Variants in ETV6 observed in about 807,000 individuals in gnomAD.
ETV6 encodes the protein transcription factor ETV6.
Under a neutral mutation model 51.1 loss-of-function variants are expected in ETV6, and 16 were observed. The ratio of observed to expected loss-of-function variants is 0.31; its 90% CI spans 0.21 to 0.48. The LOEUF is 0.48. Among genes scored for constraint, ETV6 ranks in the 20% least tolerant of loss-of-function variants. The pLI is 0.99. For missense variants in ETV6, 458 were observed against 594.8 expected, an observed-to-expected ratio of 0.77 and a Z score of 2.39; for synonymous variants, 240 against 224.1, an observed-to-expected ratio of 1.07 and a Z score of -0.64.
Position 11,692,245 on chromosome 12 carries a change from T to C in ETV6, c.33+42085T>C, listed in dbSNP as rs373818239. Among the ~76,000 whole-genome samples, 3 of 152,182 alleles carry C rather than the reference T, an allele frequency of 2.0e-5. No individual in the cohort carries two copies. In the East Asian group the frequency reaches 5.8e-4, roughly 29 times the overall value. On this transcript the variant is annotated intron_variant, in intron 1 of 7. Coordinates refer to ENST00000396373, the MANE Select transcript of ETV6 (RefSeq NM_001987.5). ...AAGAGAGACCTGAGCTAGCATGCTC[T>C]GCCCCTTACCTTGTGTTACCCTGCA...
At chr12:11,777,448 T>A (rs552335205) in intron 2 of ETV6, among the ~76,000 whole-genome samples, 41 of 151,858 alleles carry the variant, frequency 2.7e-4, no homozygotes, top group African/African-American at 6.8e-4. Flanking sequence ...ACTGTGGAGT[T>A]TTTTTGTTTT....
Position 11,889,248 on chromosome 12 carries a change from T to C in ETV6, c.1254-1693T>C, listed in dbSNP as rs76993794. Among the ~76,000 whole-genome samples the C allele has an allele frequency of 8.3e-3, 1,270 of 152,248 alleles. 15 individuals carry two copies. The highest frequency in any genetic ancestry group is 0.017 in the Middle Eastern group (5 of 294). On this transcript the variant is annotated intron_variant, in intron 7 of 7. Coordinates refer to ENST00000396373, the MANE Select transcript of ETV6 (RefSeq NM_001987.5). ...CTGCAGATGCTACAGATCATACTGC[T>C]GGAGAAGTTTGCCAGTAATGAGCAG... is the stretch of plus-strand genomic sequence containing the variant.
At chr12:11,733,466 C>A (rs1865642271) in intron 1 of ETV6, among the ~76,000 whole-genome samples, 1 of 151,852 alleles carries the variant, frequency 6.6e-6, no homozygotes, top group South Asian at 2.1e-4. Flanking sequence ...CCTTCAAGCC[C>A]CCGCACCGTG....
chr12:11,709,111 T>C (rs1400625959), intron 1 of ETV6, among the ~76,000 whole-genome samples: 2 of 152,078 alleles, frequency 1.3e-5, no homozygotes, highest in Non-Finnish European at 2.9e-5. Context: ...ATATTTGATA[T>C]ATAACCAAGA....
intron 2 of ETV6, among the ~76,000 whole-genome samples, chr12:11,770,157 C>T (rs1945222261): frequency 6.6e-6 from 1 of 152,088 alleles, no homozygotes; most frequent in South Asian, 2.1e-4. Context: ...CAGGAAAATG[C>T]AAGGAAACAG....
intron 4 of ETV6, among the ~76,000 whole-genome samples, chr12:11,860,662 T>C (rs934318853): frequency 6.6e-5 from 10 of 151,670 alleles, no homozygotes; most frequent in Non-Finnish European, 1.3e-4. Flanking sequence ...ATTATCATGA[T>C]TCAATATTTC....
Position 11,667,142 on chromosome 12 carries a change from C to T in ETV6, c.33+16982C>T, listed in dbSNP as rs371824141. Among the ~76,000 whole-genome samples, 57 of 152,342 alleles carry T rather than the reference C, an allele frequency of 3.7e-4. 1 individual carries two copies. The South Asian group carries it at 0.012, about 31-fold the overall frequency. ...TCAGCGTACACACCTCATCCTCAGA[C>T]AATGTGCTGCTTACATTTCCAGTGT... On this transcript the variant is annotated intron_variant, in intron 1 of 7. Transcript: ENST00000396373.
chr12:11,695,315 A>G (rs536420580), intron 1 of ETV6, among the ~76,000 whole-genome samples: 61 of 152,352 alleles, frequency 4.0e-4, no homozygotes, highest in South Asian at 1.0e-3. Context: ...GTTGGAGCCA[A>G]GAACACTGAG....
rs1310459080 is a variant in ETV6 at position 11,819,044 on chromosome 12, C to T, written c.164-20096C>T. On this transcript the variant is annotated intron_variant, in intron 2 of 7. Coordinates refer to ENST00000396373, the MANE Select transcript of ETV6 (RefSeq NM_001987.5). ...TTCTCCCCTCCTTCACAGTCAGCCT[C>T]TTTCTCATTTGCACCTAGTTCCATT... Among the ~76,000 whole-genome samples, 5 of 152,218 alleles carry T rather than the reference C, an allele frequency of 3.3e-5. No individual in the cohort carries two copies. The East Asian group carries it at 9.6e-4, about 29-fold the overall frequency.
intron 2 of ETV6, among the ~76,000 whole-genome samples, chr12:11,812,875 G>A (rs1276199697): frequency 6.6e-6 from 1 of 152,218 alleles, no homozygotes; most frequent in Non-Finnish European, 1.5e-5. Context: ...CCCTAAAGCT[G>A]CATGGAGACC....
At chr12:11,814,554 G>A (rs533086412) in intron 2 of ETV6, among the ~76,000 whole-genome samples, 5 of 152,260 alleles carry the variant, frequency 3.3e-5, no homozygotes, top group Admixed American at 3.3e-4. Context: ...TGTGTGTGTT[G>A]TGAGTCATGC....
intron 1 of ETV6, among the ~76,000 whole-genome samples, chr12:11,686,289 T>G (rs1238688337): frequency 1.3e-5 from 2 of 152,202 alleles, no homozygotes; most frequent in Admixed American, 1.3e-4. Context: ...AGGATACCAG[T>G]AGGTGGGATA....
chr12:11,727,558 T>A (rs1010745338), intron 1 of ETV6, among the ~76,000 whole-genome samples: 11 of 152,218 alleles, frequency 7.2e-5, no homozygotes, highest in African/African-American at 2.7e-4. Flanking sequence ...AAGTAAGACC[T>A]AAGAAAACAG....
chr12:11,828,074 T>C (rs1359101103), intron 2 of ETV6, among the ~76,000 whole-genome samples: 4 of 152,226 alleles, frequency 2.6e-5, no homozygotes, highest in African/African-American at 7.2e-5. Context: ...ACTTTTTTTT[T>C]CTTCTTAAAC....
chr12:11,821,593 T>C (rs1007788069), intron 2 of ETV6, among the ~76,000 whole-genome samples: 46 of 152,102 alleles, frequency 3.0e-4, no homozygotes, highest in African/African-American at 1.0e-3. Flanking sequence ...TCCCAGCACT[T>C]TGGGAGTCTG....
In ETV6 at chr12:11,686,110, G is replaced by C. The variant is rs557708394; in HGVS notation, c.33+35950G>C. Among the ~76,000 whole-genome samples, 177 of 152,280 alleles carry C rather than the reference G, an allele frequency of 1.2e-3. 1 individual carries two copies. Among genetic ancestry groups the C allele is most frequent in the African/African-American group, 4.0e-3 (167 of 41,552 alleles). On this transcript the variant is annotated intron_variant, in intron 1 of 7. Coordinates refer to ENST00000396373, the MANE Select transcript of ETV6 (RefSeq NM_001987.5). ...TTCTATCACTCTTACTCCTGAAAAA[G>C]GTGCTGGTATTTTAGGCTTTACCAG...
intron 2 of ETV6, among the ~76,000 whole-genome samples, chr12:11,762,561 G>A (rs1945103279): frequency 6.6e-6 from 1 of 152,140 alleles, no homozygotes; most frequent in Non-Finnish European, 1.5e-5. Flanking sequence ...TTAATTATGG[G>A]AGAAAAAAAG....
intron 1 of ETV6, among the ~76,000 whole-genome samples, chr12:11,684,749 G>A (rs1194059416): frequency 4.6e-5 from 7 of 152,132 alleles, no homozygotes; most frequent in Non-Finnish European, 1.0e-4. Context: ...TAACGGTCAT[G>A]TTTTCATATT....
At chr12:11,843,023 C>A (rs541705577) in intron 3 of ETV6, among the ~76,000 whole-genome samples, 1 of 152,170 alleles carries the variant, frequency 6.6e-6, no homozygotes, top group African/African-American at 2.4e-5. Flanking sequence ...CATCATACAT[C>A]GTCTCCATTA....
Sources: allele counts gnomAD v4.1 joint callset (sites outside exome capture counted in the v4.1 genomes callset), GRCh38; gene constraint gnomAD v4.1.1; transcripts MANE v1.5; gene names NCBI Gene and HGNC (gene_info 2026-07-23, HGNC 2026-07-21).